The following LARP1 variants were observed in gnomAD, a reference collection of about 807,000 sequenced individuals.
The protein encoded by LARP1 is la-related protein 1.
LARP1 carries 36 observed loss-of-function variants against 122.7 expected under a neutral mutation model. That is an observed-to-expected ratio of 0.29 (90% confidence interval 0.22 to 0.39). LARP1 has a LOEUF of 0.39. LARP1 is among the 10% of genes least tolerant of loss of function. The pLI, the probability that LARP1 is intolerant of heterozygous loss-of-function variation, is 1.00. For missense variants in LARP1, 1,040 were observed against 1,403.6 expected, an observed-to-expected ratio of 0.74 and a Z score of 4.14; for synonymous variants, 539 against 528.7, an observed-to-expected ratio of 1.02 and a Z score of -0.27.
rs911052463 is a variant in LARP1, at chr5:154,814,963, C to T, written c.*867C>T. On this transcript the variant is annotated 3_prime_UTR_variant, in exon 19 of 19. Coordinates refer to ENST00000518297, the MANE Select transcript of LARP1 (RefSeq NM_033551.3). ...ACAGAAAGTAATGTCTTTCCCCTCC[C>T]CTTGGAATTTTTGTTTTGTTTTTGG... The T allele has an allele frequency of 6.6e-6, 1 of 152,042 alleles. No individual in the cohort carries two copies. 9.4% of individuals were successfully genotyped at this position (152,042 alleles called of 1,614,324 possible).
At position 154,811,616 on chromosome 5, in the gene LARP1, A is replaced by G. The variant is rs1759280803; in HGVS notation, c.3057A>G (p.Arg1019=). 1 of 1,614,064 alleles carries G rather than the reference A, an allele frequency of 6.2e-7. No individual in the cohort carries two copies. The highest frequency in any genetic ancestry group is 1.3e-5 in the African/African-American group (1 of 74,922). The part of the protein sequence containing the change: ...PKLQEYLGKF[R]RLEDFRVDPP... ...TGCAAGAATACCTCGGCAAATTCCG[A>G]CGTCTTGAAGACTTCCGAGTAGATG... Residue 1019 remains arginine, a synonymous_variant, in exon 18 of 19, where the codon CGA becomes CGG. Coordinates refer to ENST00000518297, the MANE Select transcript of LARP1 (RefSeq NM_033551.3).
At chr5:154,769,354 A>G (rs1308972779) in intron 1 of LARP1, among the ~76,000 whole-genome samples, 3 of 152,126 alleles carry the variant, frequency 2.0e-5, no homozygotes, top group African/African-American at 7.2e-5. Context: ...TTCCAACATG[A>G]GGTCTATGGG....
At position 154,802,676 on chromosome 5, in the gene LARP1, T is replaced by C. The variant is rs3853757; in HGVS notation, c.2109+277T>C. ...ATTCTGACAGTTGGCTAGACACTTT[T>C]GTGGGGAACAGAAAAAGGGTTAGAT... On this transcript the variant is annotated intron_variant, in intron 11 of 18. Coordinates refer to ENST00000518297, the MANE Select transcript of LARP1 (RefSeq NM_033551.3). The surrounding 1 kb of genome is among the most constrained non-coding windows in gnomAD (Gnocchi z 5.1). 0.37 allele frequency among the ~76,000 whole-genome samples: 56,116 copies of C among 152,076 alleles called. 11,470 individuals carry two copies. The highest frequency in any genetic ancestry group is 0.48 in the Middle Eastern group (140 of 294).
intron 1 of LARP1, among the ~76,000 whole-genome samples, chr5:154,779,911 C>G (rs544116559): frequency 6.6e-6 from 1 of 152,258 alleles, no homozygotes; most frequent in African/African-American, 2.4e-5. Context: ...TGAGCCTGTC[C>G]TGTCTCCATG....
intron 1 of LARP1, among the ~76,000 whole-genome samples, chr5:154,749,592 G>A (rs1753382028): frequency 6.6e-6 from 1 of 152,154 alleles, no homozygotes; most frequent in Non-Finnish European, 1.5e-5. Flanking sequence ...CTCTTCCCAA[G>A]AACTGAAATA....
chr5:154,737,971 C>T (rs781198929), intron 1 of LARP1, among the ~76,000 whole-genome samples: 1 of 152,102 alleles, frequency 6.6e-6, no homozygotes, highest in Admixed American at 6.6e-5. Context: ...TCTTCATCTC[C>T]GGGCCCTCAG....
Position 154,802,284 on chromosome 5 carries a change from A to G in LARP1, c.1994A>G (p.His665Arg). The G allele has an allele frequency of 2.5e-6, 4 of 1,614,178 alleles. No individual in the cohort carries two copies. Among genetic ancestry groups the G allele is most frequent in the Non-Finnish European group, 3.4e-6 (4 of 1,180,040 alleles). ...RHPGGDRTGN[H>R]TSRAKMSAEL... Reference sequence around the variant, plus strand: ...CCAGGGGGGGACCGCACAGGCAACCACACCTCGCGTGCCAAGATGAGCGCC... The same window carrying G: ...CCAGGGGGGGACCGCACAGGCAACCGCACCTCGCGTGCCAAGATGAGCGCC... Residue 665 changes from histidine (H) to arginine (R), a missense_variant, in exon 11 of 19, where the codon CAC becomes CGC. Physicochemically the swap from His to Arg is conservative, Grantham distance 29. Transcript: ENST00000518297. This position sits in a 1 kb window ranked among gnomAD's most constrained non-coding sequence, Gnocchi z 5.1.
At chr5:154,790,502 G>A in intron 2 of LARP1, 116 bp downstream of exon 2, 1 of 1,283,356 alleles carries the variant, frequency 7.8e-7, no homozygotes. Flanking sequence ...GAATTGCAGG[G>A]GAGCCCCTTC....
chr5:154,781,247 A>G (rs1419668821), intron 1 of LARP1, among the ~76,000 whole-genome samples: 2 of 152,122 alleles, frequency 1.3e-5, no homozygotes, highest in African/African-American at 2.4e-5. Flanking sequence ...GGGCCTAGGA[A>G]AGCCCAAGGG....
chr5:154,722,557 A>G lies in LARP1; in HGVS notation c.205+9427A>G, dbSNP rs552977165. Among the ~76,000 whole-genome samples the G allele has an allele frequency of 3.8e-4, 58 of 152,140 alleles. No homozygotes were observed. The Middle Eastern group carries it at 0.01, about 27-fold the overall frequency. On this transcript the variant is annotated intron_variant, in intron 1 of 18. Coordinates refer to the LARP1 transcript ENST00000336314. ...CCTGCACAGTCAGGAAGAGTCTACC[A>G]TTTCTATACTTACAGGAACCAGATC...
chr5:154,779,382 C>G (rs1756212576), intron 1 of LARP1, among the ~76,000 whole-genome samples: 2 of 152,094 alleles, frequency 1.3e-5, no homozygotes, highest in South Asian at 4.2e-4. Context: ...TTAGTACATC[C>G]AAGAATGGAC....
chr5:154,781,350 T>C (rs1756411202), intron 1 of LARP1, among the ~76,000 whole-genome samples: 1 of 152,144 alleles, frequency 6.6e-6, no homozygotes, highest in South Asian at 2.1e-4. Context: ...TCCCAGCACT[T>C]TGGGAGGCCG....
chr5:154,757,632 AAAG>A (rs1347004418), intron 1 of LARP1, among the ~76,000 whole-genome samples: 2 of 152,170 alleles, frequency 1.3e-5, no homozygotes, highest in Non-Finnish European at 2.9e-5. Context: ...CTTCACCGTC[AAAG>A]GAGTAGAAGC....
At chr5:154,756,697 G>A (rs980225410) in intron 1 of LARP1, among the ~76,000 whole-genome samples, 30 of 152,136 alleles carry the variant, frequency 2.0e-4, no homozygotes, top group Non-Finnish European at 1.9e-4. Context: ...ACGGATGCGG[G>A]GATTAAAAGT....
At chr5:154,709,055 C>G (rs936374527), upstream of LARP1, among the ~76,000 whole-genome samples, 2 of 152,202 alleles carry the variant, frequency 1.3e-5, no homozygotes, top group Non-Finnish European at 2.9e-5. Context: ...AATTGTGTCT[C>G]AATATCCTCT....
At chr5:154,808,714 T>C in intron 16 of LARP1, 111 bp downstream of exon 16, 1 of 1,075,834 alleles carries the variant, frequency 9.3e-7, no homozygotes, top group South Asian at 1.8e-5. Flanking sequence ...TGTATGTTCA[T>C]TCATATACTT....
intron 1 of LARP1, among the ~76,000 whole-genome samples, chr5:154,730,060 C>A (rs1189689689): frequency 6.6e-6 from 1 of 152,154 alleles, no homozygotes; most frequent in Admixed American, 6.6e-5. Flanking sequence ...AAATTTTAAG[C>A]CCTAAATTTT....
Position 154,756,078 on chromosome 5 carries a change from A to C in LARP1, c.321A>C (p.Gly107=). ...CAGGCGCTGGCGGAGGAGCTGCCGG[A>C]GCCGCGGGCGCGGGGCGCCGGGACT... ...GEPGAGGGAA[G]AAGAGRRDFV... Residue 107 remains glycine, a synonymous_variant, in exon 1 of 19, where the codon GGA becomes GGC. Transcript: ENST00000518297. The C allele has an allele frequency of 8.7e-7, 1 of 1,150,516 alleles. No individual in the cohort carries two copies. Among genetic ancestry groups the C allele is most frequent in the Non-Finnish European group, 1.1e-6 (1 of 921,208 alleles). The allele number at this position is 1,150,516 out of a possible 1,614,324, so 71.3% of individuals were successfully genotyped here. A position where few individuals can be genotyped will look rare whatever the true frequency, so the allele number is the denominator to read the frequency against.
At chr5:154,779,796 C>T (rs1157797121) in intron 1 of LARP1, among the ~76,000 whole-genome samples, 1 of 152,106 alleles carries the variant, frequency 6.6e-6, no homozygotes, top group Non-Finnish European at 1.5e-5. Flanking sequence ...GCATGAGCCA[C>T]TGTGCCCAGC....
Sources: gnomAD v4.1 joint callset for allele counts (sites outside exome capture counted in the v4.1 genomes callset) on GRCh38, gnomAD v4.1.1 for gene constraint, Gnocchi (gnomAD v3.1) non-coding constraint, MANE v1.5 for transcripts, NCBI Gene and HGNC (gene_info 2026-07-23, HGNC 2026-07-21) for gene names.